The following PHF14 variants were observed in gnomAD, a reference collection of about 807,000 sequenced individuals.
PHF14 encodes the protein PHD finger protein 14.
In PHF14, 55 loss-of-function variants were observed where a neutral mutation model predicts 117.9. That is an observed-to-expected ratio of 0.47 (90% CI 0.38 to 0.58). PHF14 has a LOEUF of 0.58. Among genes scored for constraint, PHF14 ranks in the 20% least tolerant of loss-of-function variants. The pLI, the probability that PHF14 is intolerant of heterozygous loss-of-function variation, is 0.00. For synonymous variants in PHF14, 409 were observed against 368.6 expected (o/e 1.11, Z -1.26); for missense variants, 978 against 1,122.2 (o/e 0.87, Z 1.84).
At chr7:11,083,563 C>G (rs2128336911) in intron 16 of PHF14, among the ~76,000 whole-genome samples, 1 of 148,370 alleles carries the variant, frequency 6.7e-6, no homozygotes, top group South Asian at 2.1e-4. Flanking sequence ...CAGGTTCAAG[C>G]AGTTCTCCTG....
chr7:10,991,691 C>T (rs530853199), intron 4 of PHF14, among the ~76,000 whole-genome samples: 1 of 148,880 alleles, frequency 6.7e-6, no homozygotes, highest in South Asian at 2.1e-4. Flanking sequence ...CTTTAAAGGT[C>T]GGTGTTCTGG....
chr7:11,023,049 T>G (rs577930242), intron 6 of PHF14, 70 bp downstream of exon 6: 1 of 776,662 alleles, frequency 1.3e-6, no homozygotes, highest in South Asian at 1.8e-5. Flanking sequence ...TGGCTTTTTA[T>G]TTGTATTATG....
At chr7:10,990,156 G>A (rs79392245) in intron 3 of PHF14, among the ~76,000 whole-genome samples, 2,453 of 152,114 alleles carry the variant, frequency 0.016, 49 homozygotes, top group African/African-American at 0.056. Flanking sequence ...TGAATTTCCC[G>A]GTACTTAAGG....
Position 11,036,452 on chromosome 7 carries a change from C to T in PHF14, c.1637C>T (p.Ala546Val). 6.2e-7 allele frequency: 1 copy of T among 1,613,630 alleles called. No homozygotes were observed. Among genetic ancestry groups the T allele is most frequent in the South Asian group, 1.1e-5 (1 of 91,054 alleles). ...RINARLQQYR[A>V]KAELARSTRP... The stretch of plus-strand genomic sequence containing the variant: ...AATGCCCGGCTTCAGCAGTATCGTG[C>T]CAAAGCAGAACTAGCTCGATCTACC... The change falls in exon 9 of 18, where the codon GCC (alanine) becomes GTC (valine). Residue 546 changes from alanine (A) to valine (V), a missense_variant. Physicochemically the swap from Ala to Val is moderately conservative, Grantham distance 64 (BLOSUM62 0). Coordinates refer to ENST00000634607, the MANE Select transcript of PHF14 (RefSeq NM_001007157.2).
chr7:11,106,451 G>T lies in PHF14; in HGVS notation c.2655-4899G>T, dbSNP rs1787269245. 34 of 944,226 alleles carry T rather than the reference G, an allele frequency of 3.6e-5. No individual in the cohort carries two copies. The South Asian group carries it at 1.6e-3, about 45-fold the overall frequency. 58.5% of individuals were successfully genotyped at this position (944,226 alleles called of 1,614,324 possible). On this transcript the variant is annotated intron_variant, in intron 16 of 17. Transcript: ENST00000634607. ...TAGAAACTGCTCATGTAGGTAATTTGCACTAAAATTGTTGTAAATTACAAG... is the reference window on the plus strand; with the variant it reads ...TAGAAACTGCTCATGTAGGTAATTTTCACTAAAATTGTTGTAAATTACAAG...
intron 14 of PHF14, among the ~76,000 whole-genome samples, chr7:11,058,731 A>G (rs978056040): frequency 6.6e-6 from 1 of 152,174 alleles, no homozygotes; most frequent in African/African-American, 2.4e-5. Flanking sequence ...AGAGATTTGC[A>G]TTCTGAATGA....
intron 10 of PHF14, 128 bp downstream of exon 10, chr7:11,037,219 A>T: frequency 2.9e-6 from 2 of 683,546 alleles, no homozygotes; most frequent in Non-Finnish European, 4.7e-6. Flanking sequence ...CTTCCCTATA[A>T]CTCCTACTCC....
At chr7:10,978,153 G>C (rs1288968984) in intron 2 of PHF14, among the ~76,000 whole-genome samples, 2 of 152,126 alleles carry the variant, frequency 1.3e-5, no homozygotes, top group Non-Finnish European at 2.9e-5. Context: ...GGTATTTTGT[G>C]CTTAATCTGA....
At chr7:11,004,454 T>C (rs1478835939) in intron 4 of PHF14, among the ~76,000 whole-genome samples, 1 of 151,460 alleles carries the variant, frequency 6.6e-6, no homozygotes, top group Non-Finnish European at 1.5e-5. Context: ...TGTATACCTC[T>C]ATTGTCACTA....
rs77056449 is a variant in PHF14 at position 11,078,949 on chromosome 7, A to G, written c.2654+16864A>G. 7.4e-4 allele frequency among the ~76,000 whole-genome samples: 113 copies of G among 152,212 alleles called. 3 individuals are homozygous for G. The East Asian group carries it at 0.017, about 23-fold the overall frequency. ...TATTATCTACATAAGTATTTTTAGC[A>G]TTTCTCATATTTATTATCTATGTAG... On this transcript the variant is annotated intron_variant, in intron 16 of 17. Transcript: ENST00000634607.
chr7:11,115,862 T>A (rs1787587138), intron 17 of PHF14, among the ~76,000 whole-genome samples: 1 of 152,082 alleles, frequency 6.6e-6, no homozygotes, highest in Non-Finnish European at 1.5e-5. Context: ...CACTGTGCAT[T>A]TTTCAAATAT....
intron 3 of PHF14, among the ~76,000 whole-genome samples, chr7:10,983,709 C>G (rs538086337): frequency 1.3e-5 from 2 of 152,114 alleles, no homozygotes; most frequent in Non-Finnish European, 2.9e-5. Flanking sequence ...GTGTATGGGA[C>G]ATACACATAA....
chr7:11,101,449 A>G (rs1370534199), intron 16 of PHF14, among the ~76,000 whole-genome samples: 11 of 151,938 alleles, frequency 7.2e-5, no homozygotes. Context: ...AAAGCTCTTC[A>G]CTTAGAGACT....
intron 16 of PHF14, among the ~76,000 whole-genome samples, chr7:11,083,841 C>A (rs930894931): frequency 7.9e-5 from 12 of 152,062 alleles, no homozygotes; most frequent in Admixed American, 3.3e-4. Flanking sequence ...TGAGCGGTTG[C>A]CAGTAAAACC....
chr7:11,121,615 G>A (rs547042507), intron 17 of PHF14, among the ~76,000 whole-genome samples: 2 of 152,136 alleles, frequency 1.3e-5, no homozygotes, highest in African/African-American at 4.8e-5. Context: ...CTTGCACTTC[G>A]GGGTTGTTAC....
rs553770507 is a variant in PHF14 at position 11,137,079 on chromosome 7, A to G, written c.2772+25612A>G. Among the ~76,000 whole-genome samples the G allele has an allele frequency of 2.7e-4, 41 of 152,276 alleles. No individual in the cohort carries two copies. The South Asian group carries it at 8.5e-3, about 32-fold the overall frequency. On this transcript the variant is annotated intron_variant, in intron 17 of 17. Transcript: ENST00000634607. ...AAATGCAAAATTAAAGTGGTTTGTGACTCCACGGCTTAAACCCTTCCCAAG... is the reference window on the plus strand; with the variant it reads ...AAATGCAAAATTAAAGTGGTTTGTGGCTCCACGGCTTAAACCCTTCCCAAG...
intron 17 of PHF14, among the ~76,000 whole-genome samples, chr7:11,148,708 A>T (rs1181617193): frequency 6.6e-6 from 1 of 152,206 alleles, no homozygotes; most frequent in Admixed American, 6.5e-5. Flanking sequence ...ATAGACACAC[A>T]TTTGTAGGTT....
chr7:11,048,144 G>T (rs1250941905), intron 13 of PHF14, among the ~76,000 whole-genome samples: 1 of 152,022 alleles, frequency 6.6e-6, no homozygotes, highest in Non-Finnish European at 1.5e-5. Context: ...TTCTCATACA[G>T]TGTGCTAAGT....
intron 16 of PHF14, among the ~76,000 whole-genome samples, chr7:11,068,226 CA>C (rs199753935): frequency 0.023 from 3,531 of 151,810 alleles, 130 homozygotes; most frequent in African/African-American, 0.081. Context: ...TGGTGGGCAC[CA>C]GTAGTCCCAG....
Sources: allele counts gnomAD v4.1 joint callset (sites outside exome capture counted in the v4.1 genomes callset), GRCh38; gene constraint gnomAD v4.1.1; transcripts MANE v1.5; gene names NCBI Gene and HGNC (gene_info 2026-07-23, HGNC 2026-07-21).